Variants in PHF21B observed in about 807,000 individuals in gnomAD.
PHF21B encodes the protein PHD finger protein 4.
PHF21B carries 22 observed loss-of-function variants against 62.2 expected under a neutral mutation model. The ratio of observed to expected loss-of-function variants is 0.35; its 90% CI spans 0.25 to 0.51. PHF21B has a LOEUF of 0.51. PHF21B is among the 20% of genes least tolerant of loss of function. The pLI, the probability that PHF21B is intolerant of heterozygous loss-of-function variation, is 0.97. For synonymous variants in PHF21B, 341 were observed against 314.7 expected, an observed-to-expected ratio of 1.08 and a Z score of -0.88; for missense variants, 701 against 707.9, an observed-to-expected ratio of 0.99 and a Z score of 0.11.
intron 5 of PHF21B, among the ~76,000 whole-genome samples, chr22:44,909,482 G>A (rs4823414): frequency 0.11 from 16,953 of 152,252 alleles, 1,118 homozygotes; most frequent in African/African-American, 0.19. Context: ...CCTGGTTCAC[G>A]CTGCAGCCTC....
intron 2 of PHF21B, among the ~76,000 whole-genome samples, chr22:44,993,855 C>T (rs970785882): frequency 6.6e-6 from 1 of 152,224 alleles, no homozygotes; most frequent in African/African-American, 2.4e-5. Flanking sequence ...CAAAACTACA[C>T]ACACAACCTA....
intron 2 of PHF21B, among the ~76,000 whole-genome samples, chr22:44,968,687 G>A (rs1055898194): frequency 2.0e-5 from 3 of 150,428 alleles, no homozygotes; most frequent in African/African-American, 7.3e-5. Context: ...TACATGTTTT[G>A]GAATTTATAT....
rs141835691 is a variant in PHF21B at position 44,942,909 on chromosome 22, G to A, written c.121-22419C>T. Among the ~76,000 whole-genome samples the A allele has an allele frequency of 2.2e-3, 329 of 152,108 alleles. 2 individuals carry two copies. The highest frequency in any genetic ancestry group is 6.9e-3 in the African/African-American group (288 of 41,498). ...TGATTCCTGGGGGCCAGGGTGAAGC[G>A]TGTGACTCAGTGAAGAAAGGGGGAT... On this transcript the variant is annotated intron_variant, in intron 2 of 12. Transcript: ENST00000313237.
chr22:44,960,111 G>C (rs1212054851), intron 2 of PHF21B, among the ~76,000 whole-genome samples: 1 of 152,140 alleles, frequency 6.6e-6, no homozygotes. Flanking sequence ...ACAAGGCCTG[G>C]CACCCAGTAG....
intron 2 of PHF21B, among the ~76,000 whole-genome samples, chr22:44,937,951 G>A (rs763647794): frequency 3.3e-5 from 5 of 152,272 alleles, no homozygotes; most frequent in Non-Finnish European, 7.3e-5. Flanking sequence ...TTTCTGAGGT[G>A]ATGCAAATGC....
intron 2 of PHF21B, among the ~76,000 whole-genome samples, chr22:44,951,725 T>C (rs1330667380): frequency 1.3e-5 from 2 of 152,258 alleles, no homozygotes; most frequent in African/African-American, 4.8e-5. Flanking sequence ...TGGATTATCA[T>C]AAAGAATGGC....
chr22:44,914,425 CTGG>C (rs1569224644), intron 4 of PHF21B, among the ~76,000 whole-genome samples: 1 of 152,206 alleles, frequency 6.6e-6, no homozygotes, highest in Non-Finnish European at 1.5e-5. Context: ...ATCAGTGAAA[CTGG>C]CCACACCTCT....
At chr22:44,924,494 T>G (rs2071595313) in intron 2 of PHF21B, among the ~76,000 whole-genome samples, 1 of 152,198 alleles carries the variant, frequency 6.6e-6, no homozygotes, top group Non-Finnish European at 1.5e-5. Context: ...GGTGATCCGG[T>G]CATGAGGGTG....
intron 2 of PHF21B, among the ~76,000 whole-genome samples, chr22:44,997,704 ACAT>A (rs1338569243): frequency 6.6e-6 from 1 of 152,192 alleles, no homozygotes; most frequent in African/African-American, 2.4e-5. Flanking sequence ...CGCCTGAATG[ACAT>A]CAAAGAGAAA....
intron 5 of PHF21B, among the ~76,000 whole-genome samples, chr22:44,900,581 G>A (rs1202166184): frequency 2.6e-5 from 4 of 152,212 alleles, no homozygotes; most frequent in African/African-American, 9.6e-5. Context: ...GATTACAGGC[G>A]TGAGCCACTG....
chr22:44,896,668 C>T (rs1027529803), intron 5 of PHF21B, among the ~76,000 whole-genome samples: 2 of 152,070 alleles, frequency 1.3e-5, no homozygotes, highest in African/African-American at 4.8e-5. Context: ...AACTCAAAAC[C>T]TGACACTTGA....
rs1196851677 is a variant in PHF21B at position 44,938,777 on chromosome 22, C to G, written c.121-18287G>C. Among the ~76,000 whole-genome samples, 11 of 152,150 alleles carry G rather than the reference C, an allele frequency of 7.2e-5. 1 individual carries two copies. Among genetic ancestry groups the G allele is most frequent in the Non-Finnish European group, 1.5e-5 (1 of 68,026 alleles). ...GCCATCTCTAGGAGGAGACCCAGGA[C>G]CAGGATCAGGAACAGGTTCTGGGTG... On this transcript the variant is annotated intron_variant, in intron 2 of 12. Coordinates refer to ENST00000313237, the MANE Select transcript of PHF21B (RefSeq NM_138415.5).
rs567252498 is a variant in PHF21B at position 44,970,134 on chromosome 22, C to T, written c.120+38411G>A. ...GCCCAAGGCCACAGAGCTGGCTTAT[C>T]GGAGATGCATGGCACTCCTGCCTCG... On this transcript the variant is annotated intron_variant, in intron 2 of 12. Transcript: ENST00000313237. 2.2e-4 allele frequency among the ~76,000 whole-genome samples: 33 copies of T among 152,324 alleles called. No homozygotes were observed. The South Asian group carries it at 6.4e-3, about 30-fold the overall frequency.
At chr22:44,924,418 TC>T (rs2071593951) in intron 2 of PHF21B, among the ~76,000 whole-genome samples, 1 of 152,182 alleles carries the variant, frequency 6.6e-6, no homozygotes, top group Non-Finnish European at 1.5e-5. Flanking sequence ...ATGTGTCCTC[TC>T]CCAGATCCAA....
chr22:44,890,816 C>T (rs2070950157), intron 8 of PHF21B, among the ~76,000 whole-genome samples: 1 of 152,222 alleles, frequency 6.6e-6, no homozygotes, highest in South Asian at 2.1e-4. Flanking sequence ...AGAAGGAGCC[C>T]TCGGCTCCAA....
At chr22:44,899,604 C>T (rs1282265962) in intron 5 of PHF21B, among the ~76,000 whole-genome samples, 1 of 151,728 alleles carries the variant, frequency 6.6e-6, no homozygotes, top group Non-Finnish European at 1.5e-5. Flanking sequence ...CTTTTTTCTT[C>T]TCCTTCTCCT....
At chr22:44,915,477 T>TAC (rs992602364) in intron 4 of PHF21B, among the ~76,000 whole-genome samples, 16 of 152,338 alleles carry the variant, frequency 1.1e-4, no homozygotes, top group African/African-American at 3.8e-4. Flanking sequence ...CCTCCTGGGA[T>TAC]ACACCTGCCA....
chr22:44,971,753 T>C (rs1370346436), intron 2 of PHF21B, among the ~76,000 whole-genome samples: 1 of 152,168 alleles, frequency 6.6e-6, no homozygotes, highest in East Asian at 1.9e-4. Flanking sequence ...CAATCTCTCC[T>C]CTGGGTCACT....
chr22:45,007,410 C>T (rs1254106205), intron 2 of PHF21B, among the ~76,000 whole-genome samples: 1 of 148,420 alleles, frequency 6.7e-6, no homozygotes, highest in Non-Finnish European at 1.5e-5. Flanking sequence ...TCCGGCGGCC[C>T]GGGCTGGGGT....
Sources: allele counts gnomAD v4.1 joint callset (sites outside exome capture counted in the v4.1 genomes callset), GRCh38; gene constraint gnomAD v4.1.1; transcripts MANE v1.5; gene names NCBI Gene and HGNC (gene_info 2026-07-23, HGNC 2026-07-21).